The following WDR45B variants were observed in gnomAD, a reference collection of about 807,000 sequenced individuals.
The protein encoded by WDR45B is WD repeat domain phosphoinositide-interacting protein 3.
Under a neutral mutation model 44.6 loss-of-function variants are expected in WDR45B, and 20 were observed. The observed-to-expected ratio is 0.45, with a 90% CI of 0.32 to 0.65. The LOEUF is 0.65. WDR45B is among the 30% of genes least tolerant of loss of function. The probability of loss-of-function intolerance (pLI) is 0.05; values close to 1 mark genes in which losing one functional copy is unlikely to be tolerated. For synonymous variants in WDR45B, 169 were observed against 164.9 expected (o/e 1.02, Z -0.19); for missense variants, 323 against 430.2 (o/e 0.75, Z 2.20).
intron 6 of WDR45B, among the ~76,000 whole-genome samples, chr17:82,619,946 A>C (rs1332351308): frequency 6.6e-6 from 1 of 152,222 alleles, no homozygotes; most frequent in Non-Finnish European, 1.5e-5. Flanking sequence ...GCGGCTAAGA[A>C]AGCAGGAAGC....
chr17:82,631,684 T>C (rs1224409560), intron 2 of WDR45B, among the ~76,000 whole-genome samples: 3 of 150,690 alleles, frequency 2.0e-5, no homozygotes, highest in African/African-American at 7.4e-5. Flanking sequence ...TTCCAAATTC[T>C]CTCAGTTTAC....
At chr17:82,630,652 C>T (rs2306754) in intron 3 of WDR45B, among the ~76,000 whole-genome samples, 116,638 of 152,162 alleles carry the variant, frequency 0.77, 44,958 homozygotes, top group South Asian at 0.86. Flanking sequence ...ACATTTACGA[C>T]GTCAACCTAA....
intron 2 of WDR45B, among the ~76,000 whole-genome samples, chr17:82,637,153 TG>T (rs2045843272): frequency 1.3e-5 from 2 of 152,044 alleles, no homozygotes; most frequent in Non-Finnish European, 2.9e-5. Context: ...TATTTATTCC[TG>T]GAACATTTTA....
intron 4 of WDR45B, 40 bp downstream of exon 4, chr17:82,627,164 G>A: frequency 1.3e-6 from 2 of 1,482,562 alleles, no homozygotes; most frequent in Non-Finnish European, 9.4e-7. Context: ...TTTTGAGAAA[G>A]TGAAATACCA....
chr17:82,617,547 G>A (rs922316906), intron 7 of WDR45B, 150 bp from the exon 8 acceptor site: 32 of 754,344 alleles, frequency 4.2e-5, no homozygotes, highest in East Asian at 2.2e-4. Flanking sequence ...TTAACAAGCC[G>A]ACAACCATCC....
In WDR45B at chr17:82,625,441, G is replaced by A; in HGVS notation, c.375C>T (p.Phe125=). ...VLDSMIKVFT[F]THNPHQLHVF... ...CGTGCAACTGATGGGGATTGTGTGTGAATGTGAACACCTTAATCATGGAGT... is the reference window on the plus strand; with the variant it reads ...CGTGCAACTGATGGGGATTGTGTGTAAATGTGAACACCTTAATCATGGAGT... Residue 125 remains phenylalanine, a synonymous_variant, in exon 5 of 10, where the codon TTC becomes TTT. Transcript: ENST00000392325. The A allele has an allele frequency of 6.2e-7, 1 of 1,614,176 alleles. No homozygotes were observed. Among genetic ancestry groups the A allele is most frequent in the Non-Finnish European group, 8.5e-7 (1 of 1,180,042 alleles).
At chr17:82,647,633 G>A (rs2045996207) in intron 1 of WDR45B, among the ~76,000 whole-genome samples, 3 of 152,012 alleles carry the variant, frequency 2.0e-5, no homozygotes, top group Admixed American at 2.0e-4. Context: ...CACCAAACAC[G>A]AAGAAAAATC....
Position 82,621,751 on chromosome 17 carries a change from G to C in WDR45B, c.476C>G (p.Pro159Arg). The change falls in exon 6 of 10, where the codon CCG becomes CGG. Residue 159 changes from proline (P) to arginine (R), a missense_variant. By Grantham distance (103) the Pro-to-Arg change is moderately radical. Transcript: ENST00000392325. Reference sequence around the variant, plus strand: ...CTGCACATGGCCCGTGTGCGTGCCCGGAAAGGCCAGGAGGGAGTTGTTACT... The same window carrying C: ...CTGCACATGGCCCGTGTGCGTGCCCCGAAAGGCCAGGAGGGAGTTGTTACT... ...PNSNNSLLAF[P>R]GTHTGHVQLV... 6.2e-7 allele frequency: 1 copy of C among 1,614,144 alleles called. No individual in the cohort carries two copies. The highest frequency in any genetic ancestry group is 8.5e-7 in the Non-Finnish European group (1 of 1,180,044).
chr17:82,644,205 C>A, intron 1 of WDR45B, 182 bp from the exon 2 acceptor site: 1 of 669,248 alleles, frequency 1.5e-6, no homozygotes, highest in South Asian at 1.6e-5. Flanking sequence ...CACATCCATG[C>A]AGGGCATTTT....
At chr17:82,645,114 G>C (rs1252835757) in intron 1 of WDR45B, among the ~76,000 whole-genome samples, 1 of 152,036 alleles carries the variant, frequency 6.6e-6, no homozygotes, top group East Asian at 1.9e-4. Context: ...TGACCAACAC[G>C]ATGAAACCCC....
intron 1 of WDR45B, among the ~76,000 whole-genome samples, chr17:82,645,316 A>T (rs572190384): frequency 2.6e-5 from 4 of 151,860 alleles, no homozygotes; most frequent in Admixed American, 1.3e-4. Flanking sequence ...AAACAAAAAT[A>T]AAAAATAAAA....
At chr17:82,641,936 AAC>A (rs2045921893) in intron 2 of WDR45B, among the ~76,000 whole-genome samples, 1 of 150,448 alleles carries the variant, frequency 6.6e-6, no homozygotes, top group South Asian at 2.2e-4. Context: ...TATTTTCTGT[AAC>A]ACATGTGGGA....
intron 5 of WDR45B, 44 bp downstream of exon 5, chr17:82,625,345 T>C (rs768910227): frequency 1.1e-5 from 18 of 1,582,164 alleles, no homozygotes; most frequent in South Asian, 5.5e-5. Flanking sequence ...GGCATCTCCA[T>C]GTGGACCCAT....
Position 82,618,901 on chromosome 17 carries a change from C to T in WDR45B, c.704+142G>A, listed in dbSNP as rs1055627338. The T allele has an allele frequency of 2.5e-5, 18 of 733,698 alleles. No homozygotes were observed. In the African/African-American group the frequency reaches 3.0e-4, roughly 12 times the overall value. The allele number at this position is 733,698 out of a possible 1,614,324, so 45.4% of individuals were successfully genotyped here. A position where few individuals can be genotyped will look rare whatever the true frequency, so the allele number is the denominator to read the frequency against. The stretch of plus-strand genomic sequence containing the variant: ...ACAATTTAAAAAGCTGAAACCCAAC[C>T]CCCTAGCAGCCCAAGCTTCTCCCTC... On this transcript the variant is annotated intron_variant, in intron 7 of 9. Transcript: ENST00000392325.
chr17:82,631,277 A>AATT (rs1251157215), intron 2 of WDR45B, among the ~76,000 whole-genome samples: 14 of 86,848 alleles, frequency 1.6e-4, no homozygotes, highest in Admixed American at 4.0e-4. Context: ...TACAGGACTC[A>AATT]TTTTTTTTTT....
At chr17:82,622,754 C>T (rs1330086005) in intron 5 of WDR45B, among the ~76,000 whole-genome samples, 1 of 150,928 alleles carries the variant, frequency 6.6e-6, no homozygotes, top group Non-Finnish European at 1.5e-5. Context: ...AAGAAGATTG[C>T]AAGACTTATA....
chr17:82,624,147 G>T (rs1203010442), intron 5 of WDR45B, among the ~76,000 whole-genome samples: 1 of 152,136 alleles, frequency 6.6e-6, no homozygotes, highest in African/African-American at 2.4e-5. Context: ...CCAAAACACG[G>T]CCGAAGGGAC....
At chr17:82,633,809 G>GT (rs1436052006) in intron 2 of WDR45B, among the ~76,000 whole-genome samples, 18 of 152,196 alleles carry the variant, frequency 1.2e-4, no homozygotes, top group African/African-American at 4.3e-4. Context: ...GAGGCCAGGA[G>GT]TTTAAGATCA....
chr17:82,622,634 A>G (rs1175079326), intron 5 of WDR45B, among the ~76,000 whole-genome samples: 3 of 152,034 alleles, frequency 2.0e-5, no homozygotes, highest in Non-Finnish European at 4.4e-5. Flanking sequence ...GGATTTCACC[A>G]TATTAGCCAG....
Sources: gnomAD v4.1 joint callset for allele counts (sites outside exome capture counted in the v4.1 genomes callset) on GRCh38, gnomAD v4.1.1 for gene constraint, MANE v1.5 for transcripts, NCBI Gene and HGNC (gene_info 2026-07-23, HGNC 2026-07-21) for gene names.